Variants in ERAP1 observed in about 807,000 individuals in gnomAD.
The protein encoded by ERAP1 is endoplasmic reticulum aminopeptidase 1.
ERAP1 carries 86 observed loss-of-function variants against 103.7 expected under a neutral mutation model. The observed-to-expected ratio is 0.83, with a 90% confidence interval of 0.70 to 0.99. The LOEUF is 0.99. Among genes scored for constraint, ERAP1 ranks in the 50% least tolerant of loss-of-function variants. The pLI, the probability that ERAP1 is intolerant of heterozygous loss-of-function variation, is 0.00. For synonymous variants in ERAP1, 398 were observed against 402.4 expected (o/e 0.99, Z 0.13); for missense variants, 1,009 against 1,128.4 (o/e 0.89, Z 1.52).
chr5:96,819,489 G>A, the ERAP1 span, among the ~76,000 whole-genome samples: 1 of 152,166 alleles, frequency 6.6e-6, no homozygotes, highest in African/African-American at 2.4e-5. Context: ...CCAGAGGGGT[G>A]TGTGTGTTTG....
the ERAP1 span, among the ~76,000 whole-genome samples, chr5:96,813,771 T>C: frequency 1.3e-5 from 2 of 151,792 alleles, no homozygotes; most frequent in Non-Finnish European, 2.9e-5. Flanking sequence ...TTCTGTTATA[T>C]CTAGCTAAAA....
the ERAP1 span, among the ~76,000 whole-genome samples, chr5:96,893,864 T>C: frequency 6.6e-6 from 1 of 152,176 alleles, no homozygotes; most frequent in Non-Finnish European, 1.5e-5. Context: ...ACACCTAAGC[T>C]TTAGCCATCC....
chr5:96,895,338 T>G, the ERAP1 span: 2 of 1,610,108 alleles, frequency 1.2e-6, no homozygotes, highest in African/African-American at 2.7e-5. Flanking sequence ...CTGTTAATGC[T>G]ACATATCCAG....
At chr5:96,841,748 T>TTC in the ERAP1 span, among the ~76,000 whole-genome samples, 60 of 1,354 alleles carry the variant, frequency 0.044, no homozygotes, top group Non-Finnish European at 0.08. Flanking sequence ...CTTCTTCTTC[T>TTC]TTTTTTTTTT....
the ERAP1 span, among the ~76,000 whole-genome samples, chr5:96,887,775 G>A: frequency 6.6e-6 from 1 of 152,184 alleles, no homozygotes; most frequent in Non-Finnish European, 1.5e-5. Flanking sequence ...CTTATCCCAA[G>A]AGACCAAATT....
intron 7 of ERAP1, 28 bp from the exon 8 acceptor site, chr5:96,792,220 A>C: frequency 8.7e-6 from 14 of 1,606,740 alleles, no homozygotes; most frequent in Non-Finnish European, 1.1e-5. Flanking sequence ...AGAAAACATC[A>C]CCTATGATTT....
At chr5:96,859,296 C>T in the ERAP1 span, among the ~76,000 whole-genome samples, 18 of 152,232 alleles carry the variant, frequency 1.2e-4, no homozygotes, top group African/African-American at 4.3e-4. Context: ...AAAAAACCCC[C>T]CTGGAAAACA....
the ERAP1 span, chr5:96,880,110 A>G: frequency 6.2e-7 from 1 of 1,614,180 alleles, no homozygotes; most frequent in Non-Finnish European, 8.5e-7. Flanking sequence ...GTTTTGAGTT[A>G]CCCTGCTCAT....
chr5:96,915,781 T>A, the ERAP1 span: 1 of 1,582,136 alleles, frequency 6.3e-7, no homozygotes, highest in African/African-American at 1.4e-5. Context: ...TTTGTGACTT[T>A]CTGTTTTTAA....
At chr5:96,879,178 T>A in the ERAP1 span, among the ~76,000 whole-genome samples, 1 of 152,150 alleles carries the variant, frequency 6.6e-6, no homozygotes, top group South Asian at 2.1e-4. Flanking sequence ...GTGATCATGA[T>A]TGCACACTCT....
chr5:96,846,664 C>A, the ERAP1 span, among the ~76,000 whole-genome samples: 1 of 152,154 alleles, frequency 6.6e-6, no homozygotes. Flanking sequence ...CTGGGGATCA[C>A]ATATGAGTAT....
At chr5:96,844,058 C>T in the ERAP1 span, among the ~76,000 whole-genome samples, 14,228 of 152,222 alleles carry the variant, frequency 0.093, 865 homozygotes, top group Middle Eastern at 0.16. Context: ...GCCTGAACTG[C>T]CTAATTCTCC....
chr5:96,905,115 T>A, the ERAP1 span, among the ~76,000 whole-genome samples: 1 of 152,200 alleles, frequency 6.6e-6, no homozygotes, highest in South Asian at 2.1e-4. Context: ...ACTCAATAAA[T>A]GTCAGCTGTT....
the ERAP1 span, among the ~76,000 whole-genome samples, chr5:96,832,612 G>A: frequency 6.6e-6 from 1 of 152,146 alleles, no homozygotes; most frequent in Non-Finnish European, 1.5e-5. Context: ...GCCCCTTCCA[G>A]CTTGTGTTAT....
chr5:96,895,687 TA>T, the ERAP1 span, among the ~76,000 whole-genome samples: 1 of 152,216 alleles, frequency 6.6e-6, no homozygotes, highest in Non-Finnish European at 1.5e-5. Context: ...CTAGGTACTA[TA>T]GAGAGTTCTC....
At chr5:96,862,906 G>A in the ERAP1 span, among the ~76,000 whole-genome samples, 1 of 152,090 alleles carries the variant, frequency 6.6e-6, no homozygotes, top group Non-Finnish European at 1.5e-5. Context: ...CCATTTTGCT[G>A]TTACTTCCTA....
At chr5:96,794,335 T>C (rs62364750) in intron 5 of ERAP1, among the ~76,000 whole-genome samples, 10,714 of 151,584 alleles carry the variant, frequency 0.071, 448 homozygotes, top group Middle Eastern at 0.14. Context: ...ACTACAAGAG[T>C]GCACCTCCAC....
chr5:96,851,356 A>G, the ERAP1 span, among the ~76,000 whole-genome samples: 1 of 152,178 alleles, frequency 6.6e-6, no homozygotes, highest in East Asian at 1.9e-4. Context: ...TTTCACAGGT[A>G]AAGGATGAGC....
chr5:96,898,385 T>C, the ERAP1 span, among the ~76,000 whole-genome samples: 6 of 151,848 alleles, frequency 4.0e-5, no homozygotes, highest in South Asian at 1.3e-3. Context: ...TCACAGCTCC[T>C]ATTTTTTACT....
Sources: allele counts gnomAD v4.1 joint callset (sites outside exome capture counted in the v4.1 genomes callset), GRCh38; gene constraint gnomAD v4.1.1; transcripts MANE v1.5; gene names NCBI Gene and HGNC (gene_info 2026-07-23, HGNC 2026-07-21).